The following DLGAP1 variants were observed in gnomAD, a reference collection of about 807,000 sequenced individuals.
The protein encoded by DLGAP1 is DLG associated protein 1.
A neutral mutation model predicts 90.8 loss-of-function variants in DLGAP1; 11 were observed. That is an observed-to-expected ratio of 0.12 (90% CI 0.08 to 0.20). The LOEUF (loss-of-function observed/expected upper bound fraction) is 0.20, where lower values mean the gene tolerates loss of function less well. Ranked by LOEUF, DLGAP1 falls within the 10% of genes least tolerant of loss-of-function variation. DLGAP1 has a pLI of 1.00. For synonymous variants in DLGAP1, 558 were observed against 540.7 expected (o/e 1.03, Z -0.44); for missense variants, 1,050 against 1,333.8 (o/e 0.79, Z 3.31).
At chr18:3,941,336 A>G (rs1422479700) in intron 3 of DLGAP1, among the ~76,000 whole-genome samples, 4 of 152,128 alleles carry the variant, frequency 2.6e-5, no homozygotes, top group Non-Finnish European at 2.9e-5. Context: ...CACTGAGACA[A>G]GGAGGGGCCT....
chr18:4,198,470 G>T, intron 1 of DLGAP1, among the ~76,000 whole-genome samples: 1 of 135,594 alleles, frequency 7.4e-6, no homozygotes, highest in East Asian at 3.0e-4. Flanking sequence ...ACAATTAATA[G>T]ATATTATTGA....
intron 5 of DLGAP1, among the ~76,000 whole-genome samples, chr18:3,779,286 G>C (rs2148106294): frequency 6.6e-6 from 1 of 152,240 alleles, no homozygotes; most frequent in African/African-American, 2.4e-5. Flanking sequence ...ATGTTGCCCA[G>C]GCTGGTCTCG....
chr18:3,807,031 G>A (rs1411222899), intron 5 of DLGAP1, among the ~76,000 whole-genome samples: 1 of 152,168 alleles, frequency 6.6e-6, no homozygotes, highest in African/African-American at 2.4e-5. Flanking sequence ...GTCAGCCAGC[G>A]CCTTCTGCAG....
In DLGAP1 at chr18:3,565,567, G is replaced by A. The variant is rs913066572; in HGVS notation, c.2057+1923C>T. ...GCAATGATTACCGGCCCAGCGCGGT[G>A]GCTCACGCCTGTAATCCCAGCACTT... On this transcript the variant is annotated intron_variant, in intron 9 of 12. Transcript: ENST00000315677. The surrounding 1 kb of genome is among the most constrained non-coding windows in gnomAD (Gnocchi z 4.0). Among the ~76,000 whole-genome samples the A allele has an allele frequency of 2.6e-5, 4 of 152,106 alleles. No individual in the cohort carries two copies. The highest frequency in any genetic ancestry group is 6.5e-5 in the Admixed American group (1 of 15,280).
chr18:3,534,752 C>T lies in DLGAP1; in HGVS notation c.2058-137G>A, dbSNP rs115689779. The T allele has an allele frequency of 2.2e-3, 1,837 of 817,472 alleles. 5 individuals are homozygous for T. Among genetic ancestry groups the T allele is most frequent in the Non-Finnish European group, 2.9e-3 (1,609 of 555,864 alleles). The allele number at this position is 817,472 out of a possible 1,614,324, so 50.6% of individuals were successfully genotyped here. A position where few individuals can be genotyped will look rare whatever the true frequency, so the allele number is the denominator to read the frequency against. On this transcript the variant is annotated intron_variant, in intron 9 of 12. Transcript: ENST00000315677. ...GTCTCCCAGGCTGGAGTGCAAGTGG[C>T]GTGATCTCGGCTCACAGCAACCTCC... is the stretch of plus-strand genomic sequence containing the variant.
intron 5 of DLGAP1, among the ~76,000 whole-genome samples, chr18:3,777,061 A>T (rs1394839101): frequency 6.6e-6 from 1 of 152,218 alleles, no homozygotes; most frequent in African/African-American, 2.4e-5. Context: ...TGTTGGGATT[A>T]TAGGCGTGAG....
chr18:4,136,554 A>C (rs12968632), intron 2 of DLGAP1, among the ~76,000 whole-genome samples: 58 of 152,228 alleles, frequency 3.8e-4, no homozygotes, highest in Non-Finnish European at 6.5e-4. Flanking sequence ...AGAAGTGTCT[A>C]TTCAGATATT....
chr18:4,168,178 T>C (rs762022995), intron 1 of DLGAP1, among the ~76,000 whole-genome samples: 2 of 152,188 alleles, frequency 1.3e-5, no homozygotes, highest in African/African-American at 2.4e-5. Flanking sequence ...AATCTACTTA[T>C]ATTCAGGCTT....
chr18:3,992,818 G>A (rs574229415), intron 3 of DLGAP1, among the ~76,000 whole-genome samples: 1 of 152,252 alleles, frequency 6.6e-6, no homozygotes, highest in Non-Finnish European at 1.5e-5. Flanking sequence ...TAACTATCAA[G>A]GTTATTTGGC....
chr18:4,328,629 T>C (rs2080877522), intron 1 of DLGAP1, among the ~76,000 whole-genome samples: 4 of 151,992 alleles, frequency 2.6e-5, no homozygotes, highest in African/African-American at 9.7e-5. Flanking sequence ...AAAACTATTT[T>C]CCAGTAAGTT....
At chr18:3,502,936 A>C (rs758204396) in intron 11 of DLGAP1, among the ~76,000 whole-genome samples, 6 of 152,176 alleles carry the variant, frequency 3.9e-5, no homozygotes, top group Non-Finnish European at 8.8e-5. Context: ...AGAATGTGTG[A>C]TCTACTACAG....
intron 4 of DLGAP1, among the ~76,000 whole-genome samples, chr18:3,831,453 T>C (rs2068031393): frequency 6.6e-6 from 1 of 152,208 alleles, no homozygotes; most frequent in Non-Finnish European, 1.5e-5. Flanking sequence ...TGGGAGATGC[T>C]TTATACTGTA....
chr18:3,557,291 G>A (rs1031381557), intron 9 of DLGAP1, among the ~76,000 whole-genome samples: 15 of 152,300 alleles, frequency 9.8e-5, no homozygotes, highest in Admixed American at 9.2e-4. Flanking sequence ...GGAGGCTGAG[G>A]TTGGTGGATC....
intron 1 of DLGAP1, among the ~76,000 whole-genome samples, chr18:4,216,274 G>A (rs551121067): frequency 1.3e-3 from 176 of 132,654 alleles, no homozygotes; most frequent in African/African-American, 4.5e-3. Context: ...GAGTGTAACC[G>A]CTCTCGTGAT....
intron 10 of DLGAP1, among the ~76,000 whole-genome samples, chr18:3,519,777 C>T (rs560836924): frequency 3.7e-4 from 56 of 152,292 alleles, no homozygotes; most frequent in African/African-American, 1.3e-3. Flanking sequence ...CAGCAACAGG[C>T]CTCATCTTGG....
intron 9 of DLGAP1, among the ~76,000 whole-genome samples, chr18:3,539,305 G>C (rs1391825818): frequency 6.6e-6 from 1 of 152,178 alleles, no homozygotes; most frequent in Non-Finnish European, 1.5e-5. Context: ...CCCAAAAGCT[G>C]AACCCAGTGG....
intron 2 of DLGAP1, among the ~76,000 whole-genome samples, chr18:4,070,280 G>T (rs2075427875): frequency 6.6e-6 from 1 of 152,046 alleles, no homozygotes; most frequent in Non-Finnish European, 1.5e-5. Context: ...ACCGCATCTG[G>T]CCTAATTCTG....
intron 2 of DLGAP1, among the ~76,000 whole-genome samples, chr18:4,045,490 T>G (rs2075039551): frequency 7.6e-6 from 1 of 131,354 alleles, no homozygotes; most frequent in East Asian, 2.5e-4. Context: ...TCCCAGTTAC[T>G]TGGGAGGGTG....
At chr18:4,135,207 T>C (rs968988203) in intron 2 of DLGAP1, among the ~76,000 whole-genome samples, 1 of 152,062 alleles carries the variant, frequency 6.6e-6, no homozygotes, top group Non-Finnish European at 1.5e-5. Flanking sequence ...CCCAGGTTCC[T>C]AACTTATGCA....
Sources: allele counts gnomAD v4.1 joint callset (sites outside exome capture counted in the v4.1 genomes callset), GRCh38; gene constraint gnomAD v4.1.1; non-coding constraint Gnocchi (gnomAD v3.1); transcripts MANE v1.5; gene names NCBI Gene and HGNC (gene_info 2026-07-23, HGNC 2026-07-21).